The following RADIL variants were observed in gnomAD, a reference collection of about 807,000 sequenced individuals.
RADIL encodes the protein Rap associating with DIL domain.
RADIL carries 99 observed loss-of-function variants against 97.6 expected under a neutral mutation model. That is an observed-to-expected ratio of 1.01 (90% CI 0.86 to 1.20). The LOEUF (loss-of-function observed/expected upper bound fraction) is 1.20, where lower values mean the gene tolerates loss of function less well. Ranked by LOEUF, RADIL falls within the 50% of genes most tolerant of loss-of-function variation. The pLI, the probability that RADIL is intolerant of heterozygous loss-of-function variation, is 0.00. For synonymous variants in RADIL, 803 were observed against 691.8 expected, an observed-to-expected ratio of 1.16 and a Z score of -2.52; for missense variants, 1,765 against 1,498.9, an observed-to-expected ratio of 1.18 and a Z score of -2.93.
chr7:4,838,085 G>C, intron 2 of RADIL: 1 of 983,110 alleles, frequency 1.0e-6, no homozygotes, highest in Non-Finnish European at 1.2e-6. Context: ...AGGGCGTGAG[G>C]GAGGCCGCCC....
At chr7:4,803,422 C>A (rs1782182936) in intron 11 of RADIL, 124 bp downstream of exon 11, 21 of 847,324 alleles carry the variant, frequency 2.5e-5, no homozygotes, top group Non-Finnish European at 3.2e-5. Context: ...TGGGCCCCCT[C>A]CCCGGGCACC....
At chr7:4,800,332 T>C (rs1782040090) in intron 12 of RADIL, 22 bp from the exon 13 acceptor site, 2 of 1,423,208 alleles carry the variant, frequency 1.4e-6, no homozygotes, top group South Asian at 3.0e-5. Flanking sequence ...CCAGGAAAGG[T>C]GGGTGGGAGT....
At chr7:4,861,729 T>C (rs1223428875) in intron 2 of RADIL, 2 of 1,528,210 alleles carry the variant, frequency 1.3e-6, no homozygotes, top group Non-Finnish European at 1.8e-6. Context: ...ACCGCTAGAC[T>C]GATAGGCGAG....
intron 2 of RADIL, among the ~76,000 whole-genome samples, chr7:4,875,651 C>T (rs1784359654): frequency 6.6e-6 from 1 of 152,222 alleles, no homozygotes; most frequent in South Asian, 2.1e-4. Flanking sequence ...TTGCCCGCTG[C>T]TTGGCAGAGG....
intron 9 of RADIL, among the ~76,000 whole-genome samples, chr7:4,807,647 TTCTCTCTC>T (rs138969554): frequency 1.3e-4 from 5 of 38,262 alleles, no homozygotes; most frequent in African/African-American, 2.4e-4. Context: ...CTCCCGCTCC[TTCTCTCTC>T]TCTGTCTCCC....
At position 4,872,709 on chromosome 7, in the gene RADIL, A is replaced by G. The variant is rs1197659360; in HGVS notation, c.535+4896T>C. Among the ~76,000 whole-genome samples the G allele has an allele frequency of 6.6e-6, 1 of 152,106 alleles. No individual in the cohort carries two copies. The highest frequency in any genetic ancestry group is 1.5e-5 in the Non-Finnish European group (1 of 68,020). On this transcript the variant is annotated intron_variant, in intron 2 of 14. Transcript: ENST00000399583. This position sits in a 1 kb window ranked among gnomAD's most constrained non-coding sequence, Gnocchi z 5.8. Reference sequence around the variant, plus strand: ...TCAGGGGGAACCTGGTGGCTATGAGAAGGAGACATTTATGGAAAACAAAAA... The same window carrying G: ...TCAGGGGGAACCTGGTGGCTATGAGGAGGAGACATTTATGGAAAACAAAAA...
chr7:4,800,262 CGGCTGGACGG>C lies in RADIL; in HGVS notation c.2881_2890del (p.Pro961AlafsTer27). The C allele has an allele frequency of 6.5e-7, 1 of 1,548,930 alleles. No homozygotes were observed. Among genetic ancestry groups the C allele is most frequent in the South Asian group, 1.2e-5 (1 of 80,238 alleles). ...GCAGAAGTCCTCGGTGCTGGAGCTG[CGGCTGGACGG>C]GGCTGGAGGGGACTCCTCCGCAAGG... is the stretch of plus-strand genomic sequence containing the variant. On this transcript the variant is annotated frameshift_variant, in exon 13 of 15. Coordinates refer to ENST00000399583, the MANE Select transcript of RADIL (RefSeq NM_018059.5). LOFTEE classifies it high-confidence loss of function.
chr7:4,839,573 A>G (rs1256839546), intron 2 of RADIL, among the ~76,000 whole-genome samples: 1 of 152,102 alleles, frequency 6.6e-6, no homozygotes, highest in Admixed American at 6.5e-5. Flanking sequence ...GTAACAGAAT[A>G]TATGTTATAT....
rs750752449 is a variant in RADIL at position 4,854,568 on chromosome 7, CCTGT to C, written c.536-17967_536-17964del. Among the ~76,000 whole-genome samples, 2 of 152,142 alleles carry C rather than the reference CCTGT, an allele frequency of 1.3e-5. No homozygotes were observed. Among genetic ancestry groups the C allele is most frequent in the African/African-American group, 2.4e-5 (1 of 41,410 alleles). On this transcript the variant is annotated intron_variant, in intron 2 of 14. Coordinates refer to ENST00000399583, the MANE Select transcript of RADIL (RefSeq NM_018059.5). The surrounding 1 kb of genome is among the most constrained non-coding windows in gnomAD (Gnocchi z 5.1). ...AATTAGCTGGGTATGTTGGCGGGCG[CCTGT>C]AATCCCAGCTACTCGGAAGACTGAG...
chr7:4,819,515 G>A lies in RADIL; in HGVS notation c.1616-2164C>T, dbSNP rs928588209. On this transcript the variant is annotated intron_variant, in intron 6 of 14. Transcript: ENST00000399583. This position sits in a 1 kb window ranked among gnomAD's most constrained non-coding sequence, Gnocchi z 5.8. ...GCCCCGAAACTCCAGGACCCCTGAG[G>A]AAGCTGGCCCTATCCCTAAAGAAGA... Among the ~76,000 whole-genome samples, 1 of 152,172 alleles carries A rather than the reference G, an allele frequency of 6.6e-6. No homozygotes were observed. Among genetic ancestry groups the A allele is most frequent in the Non-Finnish European group, 1.5e-5 (1 of 68,030 alleles).
rs1784303066 is a variant in RADIL, at chr7:4,873,595, T to G, written c.535+4010A>C. Reference sequence around the variant, plus strand: ...TGCAGGGGCAGATGTGATCCTGCCATCCCGCCGTCCTTTTGAAACTACACC... The same window carrying G: ...TGCAGGGGCAGATGTGATCCTGCCAGCCCGCCGTCCTTTTGAAACTACACC... On this transcript the variant is annotated intron_variant, in intron 2 of 14. Transcript: ENST00000399583. The surrounding 1 kb of genome is among the most constrained non-coding windows in gnomAD (Gnocchi z 4.3). Among the ~76,000 whole-genome samples the G allele has an allele frequency of 6.6e-6, 1 of 152,198 alleles. No individual in the cohort carries two copies. Among genetic ancestry groups the G allele is most frequent in the Admixed American group, 6.5e-5 (1 of 15,280 alleles).
intron 9 of RADIL, chr7:4,806,175 A>T: frequency 1.8e-5 from 12 of 653,100 alleles, no homozygotes; most frequent in East Asian, 1.4e-4. Context: ...TTTGAGACAG[A>T]GTCTCATGCT....
rs776781066 is a variant in RADIL, at chr7:4,814,623, G to A, written c.2139+655C>T. ...AGGGGCATGTCGGTTTCCCATTGCCGTTGTGACAAATGCCCACACGCCTGG... is the reference window on the plus strand; with the variant it reads ...AGGGGCATGTCGGTTTCCCATTGCCATTGTGACAAATGCCCACACGCCTGG... On this transcript the variant is annotated intron_variant, in intron 9 of 14. Coordinates refer to ENST00000399583, the MANE Select transcript of RADIL (RefSeq NM_018059.5). This position sits in a 1 kb window ranked among gnomAD's most constrained non-coding sequence, Gnocchi z 4.5. Among the ~76,000 whole-genome samples, 9 of 152,290 alleles carry A rather than the reference G, an allele frequency of 5.9e-5. No individual in the cohort carries two copies. In the South Asian group the frequency reaches 6.2e-4, roughly 11 times the overall value.
rs373238489 is a variant in RADIL, at chr7:4,800,225, C to G, written c.2928G>C (p.Thr976=). ...SSTEDFCYVF[T]VELERGPSGL... Reference sequence around the variant, plus strand: ...CGGAGGGGCCTCGTTCCAGCTCCACCGTGAAGACGTAGCAGAAGTCCTCGG... The same window carrying G: ...CGGAGGGGCCTCGTTCCAGCTCCACGGTGAAGACGTAGCAGAAGTCCTCGG... The change falls in exon 13 of 15, where the codon ACG becomes ACC. Residue 976 remains threonine, a synonymous_variant. Transcript: ENST00000399583. The G allele has an allele frequency of 1.9e-6, 3 of 1,604,450 alleles. No homozygotes were observed. Among genetic ancestry groups the G allele is most frequent in the East Asian group, 2.2e-5 (1 of 44,550 alleles).
At chr7:4,848,848 AG>A (rs1351743466) in intron 2 of RADIL, among the ~76,000 whole-genome samples, 4 of 152,294 alleles carry the variant, frequency 2.6e-5, no homozygotes, top group African/African-American at 9.6e-5. Flanking sequence ...TGTTAAAGAT[AG>A]GGAATTAGGC....
rs10235539 is a variant in RADIL at position 4,854,048 on chromosome 7, C to T, written c.536-17443G>A. Among the ~76,000 whole-genome samples, 68,865 of 152,050 alleles carry T rather than the reference C, an allele frequency of 0.45. 16,945 individuals are homozygous for T. Among genetic ancestry groups the T allele is most frequent in the African/African-American group, 0.64 (26,661 of 41,462 alleles). The stretch of plus-strand genomic sequence containing the variant: ...GAAAGCTCCATAGGTGGGCAGTTTG[C>T]AGGTACACCTTTGCCATTCCCCGTC... On this transcript the variant is annotated intron_variant, in intron 2 of 14. Coordinates refer to ENST00000399583, the MANE Select transcript of RADIL (RefSeq NM_018059.5). The surrounding 1 kb of genome is among the most constrained non-coding windows in gnomAD (Gnocchi z 5.1).
intron 2 of RADIL, among the ~76,000 whole-genome samples, chr7:4,846,113 C>G (rs905077422): frequency 7.0e-6 from 1 of 143,476 alleles, no homozygotes; most frequent in Non-Finnish European, 1.5e-5. Context: ...TGTTCCAGAG[C>G]TACAATCTTC....
At chr7:4,811,481 T>A (rs1372078444) in intron 9 of RADIL, among the ~76,000 whole-genome samples, 2 of 23,100 alleles carry the variant, frequency 8.7e-5, no homozygotes, top group Admixed American at 5.0e-4. Context: ...TATTATTTCT[T>A]TTTTTTTTTT....
rs564635526 is a variant in RADIL at position 4,880,381 on chromosome 7, G to A, written c.-64-2178C>T. Among the ~76,000 whole-genome samples the A allele has an allele frequency of 2.0e-5, 3 of 152,222 alleles. No individual in the cohort carries two copies. Among genetic ancestry groups the A allele is most frequent in the East Asian group, 1.9e-4 (1 of 5,182 alleles). On this transcript the variant is annotated intron_variant, in intron 1 of 14. Coordinates refer to ENST00000399583, the MANE Select transcript of RADIL (RefSeq NM_018059.5). The surrounding 1 kb of genome is among the most constrained non-coding windows in gnomAD (Gnocchi z 4.5). ...TTCAGACAGTGCTCACATCACAAAC[G>A]TGCGGCCTGGCCTGTGCACACCACA...
Sources: allele counts gnomAD v4.1 joint callset (sites outside exome capture counted in the v4.1 genomes callset), GRCh38; gene constraint gnomAD v4.1.1; non-coding constraint Gnocchi (gnomAD v3.1); transcripts MANE v1.5; gene names NCBI Gene and HGNC (gene_info 2026-07-23, HGNC 2026-07-21).